The following DNAJC10 variants were observed in gnomAD, a reference collection of about 807,000 sequenced individuals.
DNAJC10 encodes endoplasmic reticulum disulfide reductase DNAJC10.
Under a neutral mutation model 115.0 loss-of-function variants are expected in DNAJC10, and 101 were observed. The observed-to-expected ratio is 0.88, with a 90% CI of 0.75 to 1.04. The LOEUF (loss-of-function observed/expected upper bound fraction) is 1.04, where lower values mean the gene tolerates loss of function less well. Among genes scored for constraint, DNAJC10 ranks in the 50% least tolerant of loss-of-function variants. The pLI is 0.00. For missense variants in DNAJC10, 981 were observed against 928.8 expected (o/e 1.06, Z -0.73); for synonymous variants, 307 against 301.5 (o/e 1.02, Z -0.19).
intron 22 of DNAJC10, among the ~76,000 whole-genome samples, chr2:182,773,697 C>T (rs1399604886): frequency 1.3e-5 from 2 of 152,164 alleles, no homozygotes; most frequent in Admixed American, 1.3e-4. Context: ...TTAAGGTCTT[C>T]TCTACACTGT....
Position 182,780,133 on chromosome 2 carries a change from C to G in DNAJC10, c.*3001C>G, listed in dbSNP as rs573675252. The G allele has an allele frequency of 1.3e-5, 2 of 152,206 alleles. No homozygotes were observed. The highest frequency in any genetic ancestry group is 1.3e-4 in the Admixed American group (2 of 15,276). 9.4% of individuals were successfully genotyped at this position (152,206 alleles called of 1,614,324 possible). A position where few individuals can be genotyped will look rare whatever the true frequency, so the allele number is the denominator to read the frequency against. ...TACACATATACTGAAAACTTACTTA[C>G]ATATACCCAAATTCTTCTAGTGAAG... On this transcript the variant is annotated 3_prime_UTR_variant, in exon 24 of 24. Coordinates refer to ENST00000264065, the MANE Select transcript of DNAJC10 (RefSeq NM_018981.4).
At chr2:182,742,005 A>G (rs1311476758) in intron 13 of DNAJC10, among the ~76,000 whole-genome samples, 1 of 152,090 alleles carries the variant, frequency 6.6e-6, no homozygotes, top group East Asian at 1.9e-4. Context: ...ATATATTTAT[A>G]TGGATATAAA....
At position 182,781,606 on chromosome 2, in the gene DNAJC10, CA is replaced by C. The variant is rs1694848830; in HGVS notation, c.*4475del. On this transcript the variant is annotated 3_prime_UTR_variant, in exon 24 of 24. Coordinates refer to ENST00000264065, the MANE Select transcript of DNAJC10 (RefSeq NM_018981.4). ...CAGTGTAAAAGCATTCCTATTTCTC[CA>C]CATCCTCTCCAGCATCTGTTGTTTC... is the stretch of plus-strand genomic sequence containing the variant. 1 of 152,146 alleles carries C rather than the reference CA, an allele frequency of 6.6e-6. No individual in the cohort carries two copies. The highest frequency in any genetic ancestry group is 2.4e-5 in the African/African-American group (1 of 41,440). 9.4% of individuals were successfully genotyped at this position (152,146 alleles called of 1,614,324 possible).
chr2:182,720,358 T>A (rs1344928877), intron 4 of DNAJC10, among the ~76,000 whole-genome samples, 189 bp downstream of exon 4: 1 of 152,202 alleles, frequency 6.6e-6, no homozygotes, highest in East Asian at 1.9e-4. Flanking sequence ...GATATGAAGT[T>A]GTATTGGTTA....
intron 22 of DNAJC10, among the ~76,000 whole-genome samples, chr2:182,768,781 T>A (rs1443072150): frequency 6.6e-6 from 1 of 152,174 alleles, no homozygotes. Flanking sequence ...TGCTAATGAT[T>A]GTATTAGAGT....
At chr2:182,770,577 A>C (rs919854785) in intron 22 of DNAJC10, among the ~76,000 whole-genome samples, 4 of 152,114 alleles carry the variant, frequency 2.6e-5, no homozygotes, top group Non-Finnish European at 5.9e-5. Context: ...CTTTGTAGCA[A>C]TTGTAAATGG....
intron 9 of DNAJC10, among the ~76,000 whole-genome samples, chr2:182,731,323 T>G (rs537559427): frequency 2.0e-5 from 3 of 152,248 alleles, no homozygotes; most frequent in East Asian, 3.9e-4. Context: ...GTTTTTATGT[T>G]CAGTGGACCA....
At chr2:182,759,907 T>A (rs1410866093) in intron 21 of DNAJC10, among the ~76,000 whole-genome samples, 1 of 151,980 alleles carries the variant, frequency 6.6e-6, no homozygotes, top group Non-Finnish European at 1.5e-5. Flanking sequence ...AAAAAAAAAA[T>A]TCCCAGTTCA....
At position 182,787,929 on chromosome 2, in the gene DNAJC10, A is replaced by G. The variant is rs6745697; in HGVS notation, c.*10797A>G. 70,584 of 152,036 alleles carry G rather than the reference A, an allele frequency of 0.46. 18,842 individuals are homozygous for G. Among genetic ancestry groups the G allele is most frequent in the Middle Eastern group, 0.64 (188 of 294 alleles). The allele number at this position is 152,036 out of a possible 1,614,324, so 9.4% of individuals were successfully genotyped here. On this transcript the variant is annotated 3_prime_UTR_variant, in exon 24 of 24. Transcript: ENST00000264065. ...GAGGAAGACCCCGTCTCAAAAAACAAAAGGTAAAGAATGATTTTAGGAATT... is the reference window on the plus strand; with the variant it reads ...GAGGAAGACCCCGTCTCAAAAAACAGAAGGTAAAGAATGATTTTAGGAATT...
chr2:182,784,571 C>G lies in DNAJC10; in HGVS notation c.*7439C>G, dbSNP rs1183984249. On this transcript the variant is annotated 3_prime_UTR_variant, in exon 24 of 24. Coordinates refer to ENST00000264065, the MANE Select transcript of DNAJC10 (RefSeq NM_018981.4). ...TGTTTAAAACTAATTTGCCAGAGCT[C>G]TACTGTGATAAGAATTTCTGACTAG... is the stretch of plus-strand genomic sequence containing the variant. The G allele has an allele frequency of 6.6e-6, 1 of 152,072 alleles. No individual in the cohort carries two copies. The highest frequency in any genetic ancestry group is 6.5e-5 in the Admixed American group (1 of 15,272). 9.4% of individuals were successfully genotyped at this position (152,072 alleles called of 1,614,324 possible). A position where few individuals can be genotyped will look rare whatever the true frequency, so the allele number is the denominator to read the frequency against.
Position 182,787,926 on chromosome 2 carries a change from A to T in DNAJC10, c.*10794A>T, listed in dbSNP as rs1186575380. ...GCAGAGGAAGACCCCGTCTCAAAAA[A>T]CAAAAGGTAAAGAATGATTTTAGGA... On this transcript the variant is annotated 3_prime_UTR_variant, in exon 24 of 24. Coordinates refer to ENST00000264065, the MANE Select transcript of DNAJC10 (RefSeq NM_018981.4). 1 of 152,248 alleles carries T rather than the reference A, an allele frequency of 6.6e-6. No homozygotes were observed. Among genetic ancestry groups the T allele is most frequent in the Non-Finnish European group, 1.5e-5 (1 of 68,088 alleles). The allele number at this position is 152,248 out of a possible 1,614,324, so 9.4% of individuals were successfully genotyped here.
Position 182,790,204 on chromosome 2 carries a change from T to C in DNAJC10, c.*13072T>C, listed in dbSNP as rs1413466991. On this transcript the variant is annotated 3_prime_UTR_variant, in exon 24 of 24. Coordinates refer to ENST00000264065, the MANE Select transcript of DNAJC10 (RefSeq NM_018981.4). ...TATTTAGTCCTATATTATTCTCTGA[T>C]TATTCCATATGTTATCTTCCAAACT... The C allele has an allele frequency of 6.6e-6, 1 of 152,230 alleles. No individual in the cohort carries two copies. Among genetic ancestry groups the C allele is most frequent in the Non-Finnish European group, 1.5e-5 (1 of 68,040 alleles). The allele number at this position is 152,230 out of a possible 1,614,324, so 9.4% of individuals were successfully genotyped here. A position where few individuals can be genotyped will look rare whatever the true frequency, so the allele number is the denominator to read the frequency against.
chr2:182,754,741 GA>G (rs1178595876), intron 16 of DNAJC10: 1 of 1,162,964 alleles, frequency 8.6e-7, no homozygotes, highest in East Asian at 4.8e-5. Context: ...TACCCATGCC[GA>G]TTTCTCAATG....
chr2:182,758,923 A>G, intron 20 of DNAJC10, 33 bp downstream of exon 20: 2 of 1,487,076 alleles, frequency 1.3e-6, no homozygotes, highest in Non-Finnish European at 9.4e-7. Flanking sequence ...ATTGTATAAA[A>G]TAGATTCAAA....
At chr2:182,766,146 C>T (rs967524974) in intron 22 of DNAJC10, among the ~76,000 whole-genome samples, 6 of 152,194 alleles carry the variant, frequency 3.9e-5, no homozygotes, top group Non-Finnish European at 8.8e-5. Context: ...TTTTAATAAT[C>T]ATGCGAGCTT....
intron 3 of DNAJC10, among the ~76,000 whole-genome samples, chr2:182,718,850 ATTT>A (rs958083218): frequency 6.6e-6 from 1 of 152,044 alleles, no homozygotes; most frequent in Non-Finnish European, 1.5e-5. Context: ...AACTAAACTC[ATTT>A]TAATTTTTAT....
chr2:182,733,272 C>G (rs999212199), intron 10 of DNAJC10, among the ~76,000 whole-genome samples: 1 of 151,800 alleles, frequency 6.6e-6, no homozygotes, highest in African/African-American at 2.4e-5. Flanking sequence ...ATTTATTTCT[C>G]TTTGTGCATT....
At position 182,780,026 on chromosome 2, in the gene DNAJC10, T is replaced by C. The variant is rs1380390884; in HGVS notation, c.*2894T>C. The C allele has an allele frequency of 1.3e-5, 2 of 152,202 alleles. No individual in the cohort carries two copies. The highest frequency in any genetic ancestry group is 4.8e-5 in the African/African-American group (2 of 41,448). 9.4% of individuals were successfully genotyped at this position (152,202 alleles called of 1,614,324 possible). The stretch of plus-strand genomic sequence containing the variant: ...ATAATAAAAGATTAAATTAACAAAA[T>C]GCATTTTAAATTTTTATGATACCTA... On this transcript the variant is annotated 3_prime_UTR_variant, in exon 24 of 24. Coordinates refer to ENST00000264065, the MANE Select transcript of DNAJC10 (RefSeq NM_018981.4).
At chr2:182,744,646 A>T (rs288253) in intron 14 of DNAJC10, among the ~76,000 whole-genome samples, 97,968 of 151,816 alleles carry the variant, frequency 0.65, 31,948 homozygotes, top group Middle Eastern at 0.74. Context: ...TCTCCAAGTC[A>T]GACATTCTGC....
Sources: gnomAD v4.1 joint callset for allele counts (sites outside exome capture counted in the v4.1 genomes callset) on GRCh38, gnomAD v4.1.1 for gene constraint, MANE v1.5 for transcripts, NCBI Gene and HGNC (gene_info 2026-07-23, HGNC 2026-07-21) for gene names.